The following FCHO1 variants were observed in gnomAD, a reference collection of about 807,000 sequenced individuals.
The protein encoded by FCHO1 is FCH and mu domain containing endocytic adaptor 1.
Under a neutral mutation model 114.4 loss-of-function variants are expected in FCHO1, and 45 were observed. The observed-to-expected ratio is 0.39, with a 90% CI of 0.31 to 0.50. The LOEUF is 0.50. FCHO1 is among the 20% of genes least tolerant of loss of function. The pLI is 0.77. For synonymous variants in FCHO1, 480 were observed against 488.9 expected (o/e 0.98, Z 0.24); for missense variants, 1,042 against 1,209.6 (o/e 0.86, Z 2.06).
intron 7 of FCHO1, among the ~76,000 whole-genome samples, chr19:17,769,542 G>A (rs1032192078): frequency 3.9e-4 from 59 of 151,626 alleles, no homozygotes; most frequent in African/African-American, 1.4e-3. Flanking sequence ...TCGCGCCACT[G>A]CACTCCAGCC....
rs2092685677 is a variant in FCHO1 at position 17,776,778 on chromosome 19, G to T, written c.1259+92G>T. On this transcript the variant is annotated intron_variant, in intron 18 of 28. Transcript: ENST00000596536. The surrounding 1 kb of genome is among the most constrained non-coding windows in gnomAD (Gnocchi z 4.4). Reference sequence around the variant, plus strand: ...CGCCTGGTGTTCTCTTGTCCCGGCTGGGAGTTGACGTCATGCTGGGGTTTT... The same window carrying T: ...CGCCTGGTGTTCTCTTGTCCCGGCTTGGAGTTGACGTCATGCTGGGGTTTT... 1 of 1,205,310 alleles carries T rather than the reference G, an allele frequency of 8.3e-7. No homozygotes were observed. The highest frequency in any genetic ancestry group is 1.3e-5 in the South Asian group (1 of 77,606). The allele number at this position is 1,205,310 out of a possible 1,614,324, so 74.7% of individuals were successfully genotyped here. A position where few individuals can be genotyped will look rare whatever the true frequency, so the allele number is the denominator to read the frequency against.
chr19:17,764,165 C>T lies in FCHO1; in HGVS notation c.120-210C>T, dbSNP rs148702519. Among the ~76,000 whole-genome samples, 563 of 152,074 alleles carry T rather than the reference C, an allele frequency of 3.7e-3. 2 individuals are homozygous for T. Among genetic ancestry groups the T allele is most frequent in the Middle Eastern group, 0.017 (5 of 292 alleles). On this transcript the variant is annotated intron_variant, in intron 5 of 28. Coordinates refer to ENST00000596536, the MANE Select transcript of FCHO1 (RefSeq NM_015122.3). ...AGCGATTTTCATGCCTCAACTTCCCCAGTAGCTGGGAATTACAGGCATGCA... is the reference window on the plus strand; with the variant it reads ...AGCGATTTTCATGCCTCAACTTCCCTAGTAGCTGGGAATTACAGGCATGCA...
Position 17,778,130 on chromosome 19 carries a change from T to C in FCHO1, c.1260-7T>C. 1 of 1,612,140 alleles carries C rather than the reference T, an allele frequency of 6.2e-7. No individual in the cohort carries two copies. On this transcript the variant is annotated splice_polypyrimidine_tract_variant and splice_region_variant and intron_variant, in intron 18 of 28. Transcript: ENST00000596536. ...AGAAGCAGCCCTCTTGGCCTCACCC[T>C]CTCTAGCTGTGCAGAGAGATTGCAG...
At chr19:17,778,265 C>A in intron 19 of FCHO1, 37 bp downstream of exon 19, 2 of 1,551,762 alleles carry the variant, frequency 1.3e-6, no homozygotes, top group South Asian at 2.2e-5. Flanking sequence ...ATGGGTGTGG[C>A]CGGAGGGAGG....
chr19:17,788,253 ACCCCT>A, intron 28 of FCHO1, 26 bp from the exon 29 acceptor site: 2 of 346,772 alleles, frequency 5.8e-6, no homozygotes, highest in Non-Finnish European at 1.1e-5. Context: ...CCTCCTCCCC[ACCCCT>A]CCCCCTCACA....
chr19:17,775,398 G>A lies in FCHO1; in HGVS notation c.946-58G>A. 6.5e-7 allele frequency: 1 copy of A among 1,547,488 alleles called. No homozygotes were observed. Among genetic ancestry groups the A allele is most frequent in the Non-Finnish European group, 8.9e-7 (1 of 1,120,104 alleles). Reference sequence around the variant, plus strand: ...CAGGGCGGGGGGCGGTTGGCAGGGTGAGATGGAAGGTTCGATAGTGGGGCG... The same window carrying A: ...CAGGGCGGGGGGCGGTTGGCAGGGTAAGATGGAAGGTTCGATAGTGGGGCG... On this transcript the variant is annotated intron_variant, in intron 14 of 28. Transcript: ENST00000596536. The surrounding 1 kb of genome is among the most constrained non-coding windows in gnomAD (Gnocchi z 5.1).
chr19:17,775,465 G>C lies in FCHO1; in HGVS notation c.955G>C (p.Glu319Gln). ...FLEPDSGTCPEVDEEGFTVRP... is the reference protein window; with the variant it reads ...FLEPDSGTCPQVDEEGFTVRP... ...CCCCTGACTCCCCTAGACATGTCCA[G>C]AGGTGGATGAAGAAGGTTTCACTGT... The change falls in exon 15 of 29, where the codon GAG becomes CAG. Residue 319 changes from glutamate (E) to glutamine (Q), a missense_variant. By Grantham distance (29) the Glu-to-Gln change is conservative. This residue lies in a region of FCHO1 where 450 missense variants were observed against 564.1 expected (regional missense o/e 0.80). Transcript: ENST00000596536. The surrounding 1 kb of genome is among the most constrained non-coding windows in gnomAD (Gnocchi z 5.1). The C allele has an allele frequency of 6.2e-7, 1 of 1,613,968 alleles. No individual in the cohort carries two copies. The highest frequency in any genetic ancestry group is 1.3e-5 in the African/African-American group (1 of 75,018).
At position 17,772,509 on chromosome 19, in the gene FCHO1, G is replaced by A. The variant is rs1368608086; in HGVS notation, c.647G>A (p.Gly216Asp). ...CTGAGGCACATGAAGGCACTGCTGG[G>A]CTCATATGCTCACTCGGTGGAGGAC... ...THLRHMKALL[G>D]SYAHSVEDTH... is the part of the protein sequence containing the mutation. Residue 216 changes from glycine (G) to aspartate (D), a missense_variant, in exon 10 of 29, where the codon GGC becomes GAC. Around this residue, in one of 3 missense-constraint regions of FCHO1, gnomAD observed 450 missense variants for 564.1 expected, o/e 0.80. Coordinates refer to ENST00000596536, the MANE Select transcript of FCHO1 (RefSeq NM_015122.3). 2.5e-6 allele frequency: 4 copies of A among 1,614,154 alleles called. No individual in the cohort carries two copies. The highest frequency in any genetic ancestry group is 3.4e-6 in the Non-Finnish European group (4 of 1,180,042).
intron 4 of FCHO1, among the ~76,000 whole-genome samples, chr19:17,756,264 T>A (rs1422513893): frequency 2.6e-5 from 4 of 152,202 alleles, no homozygotes; most frequent in Non-Finnish European, 4.4e-5. Context: ...ACTCCCCGAT[T>A]TGCCCCTGAA....
chr19:17,767,379 G>A lies in FCHO1; in HGVS notation c.336+569G>A, dbSNP rs1186317653. On this transcript the variant is annotated intron_variant, in intron 7 of 28. Transcript: ENST00000596536. ...TTGAGACCAGCCTGGGCAACATAGGGAGACCCCATCTTTACCAAAAAAAAA... is the reference window on the plus strand; with the variant it reads ...TTGAGACCAGCCTGGGCAACATAGGAAGACCCCATCTTTACCAAAAAAAAA... Among the ~76,000 whole-genome samples, 7 of 125,262 alleles carry A rather than the reference G, an allele frequency of 5.6e-5. No individual in the cohort carries two copies. The South Asian group carries it at 1.9e-3, about 35-fold the overall frequency. The allele number at this position is 125,262 out of a possible 152,430, so 82.2% of individuals were successfully genotyped here.
Position 17,762,663 on chromosome 19 carries a change from C to A in FCHO1, c.28-99C>A, listed in dbSNP as rs1052895617. The A allele has an allele frequency of 3.4e-6, 3 of 870,564 alleles. No individual in the cohort carries two copies. In the African/African-American group the frequency reaches 4.9e-5, roughly 14 times the overall value. The allele number at this position is 870,564 out of a possible 1,614,324, so 53.9% of individuals were successfully genotyped here. A position where few individuals can be genotyped will look rare whatever the true frequency, so the allele number is the denominator to read the frequency against. The stretch of plus-strand genomic sequence containing the variant: ...CTCAGGCCCGAACAAGTCCCTACAG[C>A]CAAGGGGATGGACTTCTGCTCCTTG... On this transcript the variant is annotated intron_variant, in intron 4 of 28. Transcript: ENST00000596536.
chr19:17,748,062 C>A (rs1312660288), upstream of FCHO1, among the ~76,000 whole-genome samples: 1 of 152,170 alleles, frequency 6.6e-6, no homozygotes, highest in East Asian at 1.9e-4. Flanking sequence ...ACCGAGCGTG[C>A]ACGGGGGCGG....
At chr19:17,786,888 A>C (rs2093946798) in intron 27 of FCHO1, among the ~76,000 whole-genome samples, 2 of 151,900 alleles carry the variant, frequency 1.3e-5, no homozygotes, top group African/African-American at 2.4e-5. Flanking sequence ...ACTGCACTCT[A>C]GCCTGGGCAA....
At chr19:17,783,418 A>G (rs1259854494) in intron 24 of FCHO1, among the ~76,000 whole-genome samples, 1 of 151,036 alleles carries the variant, frequency 6.6e-6, no homozygotes, top group African/African-American at 2.4e-5. Context: ...GGCACGTGCC[A>G]CTACACCCAG....
intron 11 of FCHO1, among the ~76,000 whole-genome samples, chr19:17,773,945 C>T (rs1481261138): frequency 6.7e-6 from 1 of 148,474 alleles, no homozygotes; most frequent in East Asian, 2.0e-4. Flanking sequence ...GAGTCTTGCT[C>T]TGTCACCCAG....
At chr19:17,763,092 CA>C (rs1339445526) in intron 5 of FCHO1, among the ~76,000 whole-genome samples, 1 of 151,960 alleles carries the variant, frequency 6.6e-6, no homozygotes, top group Non-Finnish European at 1.5e-5. Flanking sequence ...ATAACCTACT[CA>C]AGGTTGGAAT....
chr19:17,761,085 C>T (rs1418495142), intron 4 of FCHO1, among the ~76,000 whole-genome samples: 1 of 152,128 alleles, frequency 6.6e-6, no homozygotes, highest in African/African-American at 2.4e-5. Flanking sequence ...TGAAGGCATT[C>T]GCAGGCACCA....
In FCHO1 at chr19:17,787,718, C is replaced by A; in HGVS notation, c.2519C>A (p.Ser840Ter). The A allele has an allele frequency of 1.3e-6, 2 of 1,576,462 alleles. No homozygotes were observed. The highest frequency in any genetic ancestry group is 1.7e-6 in the Non-Finnish European group (2 of 1,162,086). The part of the protein sequence containing the change: ...GRLSASWEPL[S>*]GPSTPSPVAA... ...CTCTCTGCCAGCTGGGAGCCGCTCT[C>A]AGGGCCCAGCACACCCAGCCCCGTG... is the stretch of plus-strand genomic sequence containing the variant. The change falls in exon 28 of 29, where the codon TCA becomes TAA. Residue 840 changes from serine (S) to a stop codon, truncating the protein, a stop_gained. Transcript: ENST00000596536. LOFTEE classifies it high-confidence loss of function.
At chr19:17,757,869 T>TCG in intron 4 of FCHO1, among the ~76,000 whole-genome samples, 1 of 129,994 alleles carries the variant, frequency 7.7e-6, no homozygotes, top group South Asian at 2.5e-4. Flanking sequence ...TGAGCCAAGA[T>TCG]CATACCACTG....
Sources: allele counts gnomAD v4.1 joint callset (sites outside exome capture counted in the v4.1 genomes callset), GRCh38; gene constraint gnomAD v4.1.1; regional missense constraint gnomAD v4.1.1; non-coding constraint Gnocchi (gnomAD v3.1); transcripts MANE v1.5; gene names NCBI Gene and HGNC (gene_info 2026-07-23, HGNC 2026-07-21).